Variants in PCSK2 observed in about 807,000 individuals in gnomAD.
The protein encoded by PCSK2 is proprotein convertase subtilisin/kexin type 2, also known as neuroendocrine convertase 2.
A neutral mutation model predicts 69.7 loss-of-function variants in PCSK2; 14 were observed. The ratio of observed to expected loss-of-function variants is 0.20; its 90% CI spans 0.13 to 0.31. PCSK2 has a LOEUF of 0.31. Among genes scored for constraint, PCSK2 ranks in the 10% least tolerant of loss-of-function variants. The pLI is 1.00. For missense variants in PCSK2, 544 were observed against 842.5 expected (o/e 0.65, Z 4.39); for synonymous variants, 307 against 320.7 (o/e 0.96, Z 0.46).
At chr20:17,256,991 T>A (rs566788346) in intron 1 of PCSK2, among the ~76,000 whole-genome samples, 1 of 152,260 alleles carries the variant, frequency 6.6e-6, no homozygotes, top group African/African-American at 2.4e-5. Context: ...ATGGTGTATA[T>A]ATGCCACATT....
chr20:17,279,563 T>C (rs979683189), intron 2 of PCSK2, among the ~76,000 whole-genome samples: 12 of 151,942 alleles, frequency 7.9e-5, no homozygotes, highest in African/African-American at 2.2e-4. Context: ...CCCAGCACTT[T>C]GGGAGGCCGA....
At chr20:17,232,780 A>G (rs1395763609) in intron 1 of PCSK2, among the ~76,000 whole-genome samples, 1 of 152,204 alleles carries the variant, frequency 6.6e-6, no homozygotes, top group Non-Finnish European at 1.5e-5. Flanking sequence ...AAAATTGACA[A>G]TATTTGGAGG....
intron 2 of PCSK2, among the ~76,000 whole-genome samples, chr20:17,271,615 G>T (rs1284863801): frequency 6.6e-6 from 1 of 151,970 alleles, no homozygotes; most frequent in Non-Finnish European, 1.5e-5. Context: ...AGAGAGTGGT[G>T]GGGACTGTGG....
At chr20:17,355,878 T>C (rs1051259922) in intron 2 of PCSK2, among the ~76,000 whole-genome samples, 1 of 152,202 alleles carries the variant, frequency 6.6e-6, no homozygotes, top group Non-Finnish European at 1.5e-5. Flanking sequence ...CCAACAGTTT[T>C]ACCAAACCAT....
chr20:17,394,082 G>A (rs527412608), intron 5 of PCSK2, among the ~76,000 whole-genome samples: 1 of 152,230 alleles, frequency 6.6e-6, no homozygotes, highest in African/African-American at 2.4e-5. Context: ...AGGATCGCTT[G>A]AGCCCAGGAA....
chr20:17,289,640 A>G (rs1475672646), intron 2 of PCSK2, among the ~76,000 whole-genome samples: 3 of 152,144 alleles, frequency 2.0e-5, no homozygotes, highest in Non-Finnish European at 2.9e-5. Flanking sequence ...AATAAAAATT[A>G]CCCATACCCA....
At chr20:17,423,801 C>A (rs2032186389) in intron 6 of PCSK2, among the ~76,000 whole-genome samples, 1 of 152,082 alleles carries the variant, frequency 6.6e-6, no homozygotes, top group South Asian at 2.1e-4. Context: ...AAGAAATGGG[C>A]CAAGGTTATT....
At chr20:17,264,273 G>T (rs185229173) in intron 2 of PCSK2, among the ~76,000 whole-genome samples, 2 of 152,084 alleles carry the variant, frequency 1.3e-5, no homozygotes, top group South Asian at 4.1e-4. Context: ...CTTGAGAGAG[G>T]TTATATTTGA....
chr20:17,436,919 C>T, intron 8 of PCSK2, 36 bp downstream of exon 8: 1 of 1,538,658 alleles, frequency 6.5e-7, no homozygotes, highest in Non-Finnish European at 8.7e-7. Context: ...CGGCCACTCA[C>T]AAGTTGGGAC....
intron 10 of PCSK2, among the ~76,000 whole-genome samples, chr20:17,460,087 C>T (rs942733239): frequency 6.6e-6 from 1 of 152,146 alleles, no homozygotes; most frequent in African/African-American, 2.4e-5. Flanking sequence ...ATCAGGGAAT[C>T]CAGCTCTTTC....
chr20:17,276,184 G>A (rs1303008509), intron 2 of PCSK2, among the ~76,000 whole-genome samples: 2 of 152,038 alleles, frequency 1.3e-5, no homozygotes, highest in Non-Finnish European at 2.9e-5. Flanking sequence ...ATGCATGGTG[G>A]TTTTATTTTC....
chr20:17,482,383 AT>A lies in PCSK2; in HGVS notation c.*324del, dbSNP rs3215510. On this transcript the variant is annotated 3_prime_UTR_variant, in exon 12 of 12. Coordinates refer to ENST00000262545, the MANE Select transcript of PCSK2 (RefSeq NM_002594.5). ...AAAAAACTGGGACAGCTTTCCCCTC[AT>A]TTTTTTTTTTGTTTCTGAGAAAAGA... 2.4e-3 allele frequency: 361 copies of A among 147,696 alleles called. 1 individual carries two copies. Among genetic ancestry groups the A allele is most frequent in the African/African-American group, 4.4e-3 (165 of 37,472 alleles). The allele number at this position is 147,696 out of a possible 1,614,324, so 9.1% of individuals were successfully genotyped here. A position where few individuals can be genotyped will look rare whatever the true frequency, so the allele number is the denominator to read the frequency against.
chr20:17,267,510 T>C (rs374929621), intron 2 of PCSK2, among the ~76,000 whole-genome samples: 1 of 152,204 alleles, frequency 6.6e-6, no homozygotes, highest in Admixed American at 6.5e-5. Context: ...CCTCTGGGCA[T>C]TGCAGATATG....
At chr20:17,366,190 C>A (rs545589603) in intron 4 of PCSK2, among the ~76,000 whole-genome samples, 1 of 152,192 alleles carries the variant, frequency 6.6e-6, no homozygotes, top group East Asian at 1.9e-4. Flanking sequence ...TAACATTCTA[C>A]CTAGGAATGT....
At chr20:17,268,448 C>T (rs1050976812) in intron 2 of PCSK2, among the ~76,000 whole-genome samples, 3 of 151,990 alleles carry the variant, frequency 2.0e-5, no homozygotes, top group Non-Finnish European at 4.4e-5. Context: ...GGGAAAGTGG[C>T]ATTTAAATAT....
intron 5 of PCSK2, among the ~76,000 whole-genome samples, chr20:17,372,360 C>T (rs1210776506): frequency 6.6e-6 from 1 of 150,814 alleles, no homozygotes; most frequent in East Asian, 1.9e-4. Flanking sequence ...GCCTGGGCGA[C>T]AGAGGGAGAC....
chr20:17,358,200 G>T (rs1367901835), intron 2 of PCSK2, 127 bp from the exon 3 acceptor site: 2 of 628,458 alleles, frequency 3.2e-6, no homozygotes, highest in East Asian at 2.8e-5. Context: ...TATATGAGAT[G>T]AACTTGCTTT....
chr20:17,339,676 A>G (rs1990453689), intron 2 of PCSK2, among the ~76,000 whole-genome samples: 1 of 151,986 alleles, frequency 6.6e-6, no homozygotes, highest in Non-Finnish European at 1.5e-5. Flanking sequence ...GGCTTTTCCA[A>G]CGGTTCTGTT....
chr20:17,472,589 CAG>C (rs1338295329), intron 11 of PCSK2, among the ~76,000 whole-genome samples: 1 of 152,008 alleles, frequency 6.6e-6, no homozygotes, highest in East Asian at 1.9e-4. Flanking sequence ...TTTTTTGAGA[CAG>C]AGTCTTGCTC....
Sources: gnomAD v4.1 joint callset for allele counts (sites outside exome capture counted in the v4.1 genomes callset) on GRCh38, gnomAD v4.1.1 for gene constraint, MANE v1.5 for transcripts, NCBI Gene and HGNC (gene_info 2026-07-23, HGNC 2026-07-21) for gene names.